PDHX: variants seen among roughly 807,000 people sequenced by gnomAD.
PDHX encodes the protein pyruvate dehydrogenase complex component X.
Under a neutral mutation model 55.3 loss-of-function variants are expected in PDHX, and 33 were observed. That is an observed-to-expected ratio of 0.60 (90% CI 0.45 to 0.80). PDHX has a LOEUF of 0.80. Among genes scored for constraint, PDHX ranks in the 30% least tolerant of loss-of-function variants. The pLI is 0.00. For missense variants in PDHX, 622 were observed against 619.9 expected (o/e 1.00, Z -0.04); for synonymous variants, 226 against 219.4 (o/e 1.03, Z -0.27).
chr11:34,977,738 AAATG>A (rs1855410229), intron 7 of PDHX: 1 of 457,292 alleles, frequency 2.2e-6, no homozygotes, highest in Non-Finnish European at 4.4e-6. Context: ...ACGAGGAAGA[AAATG>A]AATCATCTTG....
At position 34,995,184 on chromosome 11, in the gene PDHX, A is replaced by T. The variant is rs1172633284; in HGVS notation, c.*12A>T. ...TCCGACTTGCCTAGTCCTCAAAGAT[A>T]AGAAGTTGGTGTTCAGCTTAGTTGA... On this transcript the variant is annotated 3_prime_UTR_variant, in exon 11 of 11. Transcript: ENST00000227868. The T allele has an allele frequency of 6.2e-7, 1 of 1,613,470 alleles. No homozygotes were observed. Among genetic ancestry groups the T allele is most frequent in the Non-Finnish European group, 8.5e-7 (1 of 1,179,728 alleles).
rs971152350 is a variant in PDHX at position 34,989,496 on chromosome 11, A to C, written c.1183-2819A>C. On this transcript the variant is annotated intron_variant, in intron 9 of 10. Transcript: ENST00000227868. ...TGGTCTTAGCAAGTAGGCAGTGGAT[A>C]AGAGAACCTGCAGCAAAGAAACCAA... is the stretch of plus-strand genomic sequence containing the variant. 1.6e-4 allele frequency among the ~76,000 whole-genome samples: 24 copies of C among 152,218 alleles called. 1 individual carries two copies. Among genetic ancestry groups the C allele is most frequent in the Non-Finnish European group, 4.4e-5 (3 of 68,032 alleles).
intron 2 of PDHX, among the ~76,000 whole-genome samples, chr11:34,942,493 T>C (rs1854511664): frequency 6.6e-6 from 1 of 152,214 alleles, no homozygotes; most frequent in African/African-American, 2.4e-5. Flanking sequence ...CTAGTAACTG[T>C]CAGAGCTTGG....
chr11:34,977,144 C>T (rs185634954), intron 7 of PDHX, among the ~76,000 whole-genome samples: 1 of 152,092 alleles, frequency 6.6e-6, no homozygotes, highest in African/African-American at 2.4e-5. Context: ...CATCTAATCC[C>T]TTTCTGTAGT....
At chr11:34,932,952 A>G (rs1353510921) in intron 2 of PDHX, among the ~76,000 whole-genome samples, 1 of 152,236 alleles carries the variant, frequency 6.6e-6, no homozygotes, top group Non-Finnish European at 1.5e-5. Flanking sequence ...ATTGAAAAAA[A>G]GCAAGGTACA....
rs1855847255 is a variant in PDHX at position 34,995,815 on chromosome 11, GCAAGAGGATAA to G, written c.*644_*654del. 1 of 152,500 alleles carries G rather than the reference GCAAGAGGATAA, an allele frequency of 6.6e-6. No homozygotes were observed. The highest frequency in any genetic ancestry group is 2.1e-4 in the South Asian group (1 of 4,826). The allele number at this position is 152,500 out of a possible 1,614,324, so 9.4% of individuals were successfully genotyped here. A position where few individuals can be genotyped will look rare whatever the true frequency, so the allele number is the denominator to read the frequency against. On this transcript the variant is annotated 3_prime_UTR_variant, in exon 11 of 11. Transcript: ENST00000227868. ...TTATATAACACTGTGAACTTCTAAA[GCAAGAGGATAA>G]AAGAAGCATGAATGAAAAGAATGAC...
At chr11:34,989,039 T>A (rs1855707136) in intron 9 of PDHX, among the ~76,000 whole-genome samples, 1 of 152,246 alleles carries the variant, frequency 6.6e-6, no homozygotes, top group Non-Finnish European at 1.5e-5. Context: ...GATTTTGTCA[T>A]TGTGTGAACA....
chr11:34,989,427 T>A (rs745506102), intron 9 of PDHX, among the ~76,000 whole-genome samples: 2 of 152,210 alleles, frequency 1.3e-5, no homozygotes, highest in African/African-American at 2.4e-5. Context: ...GGGAGAGTAC[T>A]CTGCCAAAGA....
intron 8 of PDHX, among the ~76,000 whole-genome samples, chr11:34,984,194 A>G (rs1265550020): frequency 6.6e-6 from 1 of 152,176 alleles, no homozygotes; most frequent in African/African-American, 2.4e-5. Flanking sequence ...TAATATTATT[A>G]CCTGTTTCCA....
chr11:34,921,532 T>C (rs931423433), intron 1 of PDHX, among the ~76,000 whole-genome samples: 1 of 152,182 alleles, frequency 6.6e-6, no homozygotes, highest in East Asian at 1.9e-4. Flanking sequence ...TTTAAGAAAG[T>C]AGTTGAGAAT....
At chr11:34,928,209 A>G (rs1300069113) in intron 1 of PDHX, among the ~76,000 whole-genome samples, 1 of 152,044 alleles carries the variant, frequency 6.6e-6, no homozygotes, top group African/African-American at 2.4e-5. Context: ...TTAAGTTAGT[A>G]TTTGTCGTAA....
intron 3 of PDHX, among the ~76,000 whole-genome samples, chr11:34,954,834 C>T (rs1381726202): frequency 6.6e-6 from 1 of 152,136 alleles, no homozygotes; most frequent in African/African-American, 2.4e-5. Flanking sequence ...TGTGAAGTAG[C>T]TACTGTTATT....
chr11:34,977,952 A>G (rs1855414464), intron 7 of PDHX, 172 bp from the exon 8 acceptor site: 3 of 609,818 alleles, frequency 4.9e-6, no homozygotes, highest in South Asian at 1.8e-5. Flanking sequence ...AGGACCTCAT[A>G]TAATGCAAGT....
At chr11:34,987,253 C>CA (rs1855666552) in intron 9 of PDHX, among the ~76,000 whole-genome samples, 2 of 152,144 alleles carry the variant, frequency 1.3e-5, no homozygotes, top group Admixed American at 1.3e-4. Flanking sequence ...GTTTGGTCCT[C>CA]AAGTAGTACT....
chr11:34,985,717 T>C (rs1855626699), intron 9 of PDHX, among the ~76,000 whole-genome samples: 2 of 152,274 alleles, frequency 1.3e-5, no homozygotes, highest in Admixed American at 6.5e-5. Flanking sequence ...CAAGGACCTG[T>C]TGTATGTATA....
chr11:34,948,969 A>G (rs1854688485), intron 3 of PDHX, among the ~76,000 whole-genome samples: 1 of 152,192 alleles, frequency 6.6e-6, no homozygotes, highest in Non-Finnish European at 1.5e-5. Flanking sequence ...GCTTAGTAAT[A>G]CATTTCAAAT....
intron 3 of PDHX, among the ~76,000 whole-genome samples, chr11:34,950,856 A>G (rs1210096441): frequency 3.3e-5 from 5 of 150,894 alleles, no homozygotes; most frequent in Non-Finnish European, 7.4e-5. Flanking sequence ...GTGTCTTTAT[A>G]GCAGCATGAT....
chr11:34,982,650 C>T (rs574202868), intron 8 of PDHX, among the ~76,000 whole-genome samples: 3 of 152,238 alleles, frequency 2.0e-5, no homozygotes, highest in East Asian at 3.9e-4. Context: ...AACACCTCTA[C>T]GTAAATAAAC....
chr11:34,940,731 A>T (rs1159403070), intron 2 of PDHX, among the ~76,000 whole-genome samples: 1 of 152,064 alleles, frequency 6.6e-6, no homozygotes, highest in Non-Finnish European at 1.5e-5. Context: ...TCCCATCTCT[A>T]TCCCTAGACA....
Sources: gnomAD v4.1 joint callset for allele counts (sites outside exome capture counted in the v4.1 genomes callset) on GRCh38, gnomAD v4.1.1 for gene constraint, MANE v1.5 for transcripts, NCBI Gene and HGNC (gene_info 2026-07-23, HGNC 2026-07-21) for gene names.